Variants in KMT2D observed in about 807,000 individuals in gnomAD.
KMT2D encodes histone-lysine N-methyltransferase 2D.
Under a neutral mutation model 512.7 loss-of-function variants are expected in KMT2D, and 55 were observed. The ratio of observed to expected loss-of-function variants is 0.11; its 90% CI spans 0.09 to 0.13. The LOEUF (loss-of-function observed/expected upper bound fraction) is 0.13. KMT2D is among the 10% of genes least tolerant of loss of function. The pLI, the probability that KMT2D is intolerant of heterozygous loss-of-function variation, is 1.00. For synonymous variants in KMT2D, 2,995 were observed against 2,904.0 expected, an observed-to-expected ratio of 1.03 and a Z score of -1.01; for missense variants, 6,061 against 7,127.9, an observed-to-expected ratio of 0.85 and a Z score of 5.39.
At chr12:49,049,652 A>G in intron 12 of KMT2D, 30 bp downstream of exon 12, 1 of 1,541,686 alleles carries the variant, frequency 6.5e-7, no homozygotes, top group Non-Finnish European at 8.8e-7. Context: ...GCTAACTCTA[A>G]TCACATCCCG....
Position 49,037,827 on chromosome 12 carries a change from C to T in KMT2D, c.9529G>A (p.Gly3177Arg), listed in dbSNP as rs2120486204. 6.3e-7 allele frequency: 1 copy of T among 1,597,210 alleles called. No homozygotes were observed. Among genetic ancestry groups the T allele is most frequent in the Non-Finnish European group, 8.5e-7 (1 of 1,171,766 alleles). Reference sequence around the variant, plus strand: ...AAGGAGGCCTTCTCAGCTGTGTGCCCACTGCTAGAAAATGGCCCTGTGCCC... The same window carrying T: ...AAGGAGGCCTTCTCAGCTGTGTGCCTACTGCTAGAAAATGGCCCTGTGCCC... ...RMGTGPFSSS[G>R]HTAEKASFGA... is the part of the protein sequence containing the mutation. Residue 3177 changes from glycine (G) to arginine (R), a missense_variant, in exon 35 of 55, where the codon GGG becomes AGG. Physicochemically the swap from Gly to Arg is moderately radical, Grantham distance 125 (BLOSUM62 -2). Around this residue, in one of 16 missense-constraint regions of KMT2D, gnomAD observed 533 missense variants for 539.6 expected, o/e 0.99. Transcript: ENST00000301067.
rs2120505325 is a variant in KMT2D, at chr12:49,038,882, G to A, written c.8474C>T (p.Ala2825Val). 6.4e-7 allele frequency: 1 copy of A among 1,551,846 alleles called. No individual in the cohort carries two copies. The highest frequency in any genetic ancestry group is 8.7e-7 in the Non-Finnish European group (1 of 1,147,100). ...CATGGCAAATCGCATGGAGGTTGCT[G>A]CTGTTGCCTGTTGTTGCTGCCACAG... is the stretch of plus-strand genomic sequence containing the variant. Reference protein sequence around the residue: ...QQLWQQQQATAATSMRFAMSA... With the variant: ...QQLWQQQQATVATSMRFAMSA... The change falls in exon 35 of 55, where the codon GCA (alanine) becomes GTA (valine). Residue 2825 changes from alanine to valine, a missense_variant. Ala to Val is a moderately conservative substitution (Grantham distance 64). Around this residue, in one of 16 missense-constraint regions of KMT2D, gnomAD observed 527 missense variants for 578.9 expected, o/e 0.91. Coordinates refer to ENST00000301067, the MANE Select transcript of KMT2D (RefSeq NM_003482.4). The surrounding 1 kb of genome is among the most constrained non-coding windows in gnomAD (Gnocchi z 5.7).
In KMT2D at chr12:49,024,664, C is replaced by T; in HGVS notation, c.15966G>A (p.Gly5322=). Residue 5322 remains glycine, a synonymous_variant, in exon 51 of 55, where the codon GGG becomes GGA. Coordinates refer to ENST00000301067, the MANE Select transcript of KMT2D (RefSeq NM_003482.4). This position sits in a 1 kb window ranked among gnomAD's most constrained non-coding sequence, Gnocchi z 4.5. ...ESCQNYLFRY[G]RHPLMELPLM... is the part of the protein sequence containing the mutation. ...GTGGCAGCTCCATAAGGGGGTGGCG[C>T]CCATAGCGGAATAAATAGTTTTGAC... 6.2e-7 allele frequency: 1 copy of T among 1,613,868 alleles called. No homozygotes were observed. The highest frequency in any genetic ancestry group is 8.5e-7 in the Non-Finnish European group (1 of 1,179,842).
At chr12:49,056,450 G>A (rs911134162) in intron 1 of KMT2D, among the ~76,000 whole-genome samples, 1 of 151,648 alleles carries the variant, frequency 6.6e-6, no homozygotes, top group African/African-American at 2.4e-5. Context: ...ATTAAGCACA[G>A]TGGGAAAAAA....
rs1038604121 is a variant in KMT2D at position 49,037,688 on chromosome 12, G to C, written c.9668C>G (p.Pro3223Arg). 6.3e-7 allele frequency: 1 copy of C among 1,585,634 alleles called. No individual in the cohort carries two copies. Among genetic ancestry groups the C allele is most frequent in the Non-Finnish European group, 8.6e-7 (1 of 1,165,880 alleles). The stretch of plus-strand genomic sequence containing the variant: ...ATCCCCAGATGCTGCAGGTCCACCA[G>C]GCAAGGTCAAAGCCCCACTCTCGAG... The part of the protein sequence containing the change: ...FELESGALTL[P>R]GGPAASGDEL... Residue 3223 changes from proline to arginine, a missense_variant, in exon 35 of 55, where the codon CCT becomes CGT. Coordinates refer to ENST00000301067, the MANE Select transcript of KMT2D (RefSeq NM_003482.4).
Position 49,040,148 on chromosome 12 carries a change from G to A in KMT2D, c.7622C>T (p.Ala2541Val), listed in dbSNP as rs1380114567. Residue 2541 changes from alanine to valine, a missense_variant, in exon 32 of 55, where the codon GCA becomes GTA. Transcript: ENST00000301067. ...GGGCTTTAGGGAAGGCTCCCCTACT[G>A]CCTGAGGGAAAGTGAAACGCATGGG... is the stretch of plus-strand genomic sequence containing the variant. ...PSPMRFTFPQ[A>V]VGEPSLKPPV... The A allele has an allele frequency of 1.9e-6, 3 of 1,613,760 alleles. No individual in the cohort carries two copies. Among genetic ancestry groups the A allele is most frequent in the African/African-American group, 1.3e-5 (1 of 74,936 alleles).
At position 49,035,045 on chromosome 12, in the gene KMT2D, C is replaced by T. The variant is rs534786201; in HGVS notation, c.10232-110G>A. 48 of 1,354,312 alleles carry T rather than the reference C, an allele frequency of 3.5e-5. No homozygotes were observed. In the African/African-American group the frequency reaches 4.3e-4, roughly 12 times the overall value. The allele number at this position is 1,354,312 out of a possible 1,614,324, so 83.9% of individuals were successfully genotyped here. ...AACCACGCCAGGCAGAACAATGGCA[C>T]GGCAAGGCAGAAAGACCACTGAATT... On this transcript the variant is annotated intron_variant, in intron 35 of 54. Coordinates refer to ENST00000301067, the MANE Select transcript of KMT2D (RefSeq NM_003482.4).
At chr12:49,036,266 T>C (rs1487106087) in intron 35 of KMT2D, among the ~76,000 whole-genome samples, 1 of 151,972 alleles carries the variant, frequency 6.6e-6, no homozygotes, top group Non-Finnish European at 1.5e-5. Context: ...TCCCATAGGT[T>C]TTCCCACCAT....
At chr12:49,028,681 ATCTCAC>A in intron 46 of KMT2D, 141 bp downstream of exon 46, 1 of 1,073,828 alleles carries the variant, frequency 9.3e-7, no homozygotes, top group Non-Finnish European at 1.3e-6. Context: ...ATTTACCCGA[ATCTCAC>A]AGCCTCTAGC....
chr12:49,024,257 CT>C lies in KMT2D; in HGVS notation c.16052+320del, dbSNP rs1472323247. ...CTGAGGTTTGGGAGAATCACAGGCC[CT>C]CCCCCAGAAGTAAAACAGGAGAAGA... On this transcript the variant is annotated intron_variant, in intron 51 of 54. Coordinates refer to ENST00000301067, the MANE Select transcript of KMT2D (RefSeq NM_003482.4). This position sits in a 1 kb window ranked among gnomAD's most constrained non-coding sequence, Gnocchi z 4.5. 6.6e-6 allele frequency among the ~76,000 whole-genome samples: 1 copy of C among 152,120 alleles called. No homozygotes were observed. Among genetic ancestry groups the C allele is most frequent in the Admixed American group, 6.5e-5 (1 of 15,276 alleles).
At position 49,031,765 on chromosome 12, in the gene KMT2D, G is replaced by A. The variant is rs777559590; in HGVS notation, c.12940C>T (p.Pro4314Ser). The change falls in exon 40 of 55, where the codon CCT becomes TCT. Residue 4314 changes from proline to serine, a missense_variant. Around this residue, in one of 16 missense-constraint regions of KMT2D, gnomAD observed 1,600 missense variants for 1,754.9 expected, o/e 0.91. Coordinates refer to ENST00000301067, the MANE Select transcript of KMT2D (RefSeq NM_003482.4). ...TGTGAAGGTCTCTTTGGCTCTTGAG[G>A]GCTGGATGGTGGAGGTGTGGGATGG... is the stretch of plus-strand genomic sequence containing the variant. ...PVHPTPPPSS[P>S]QEPKRPSQLP... The A allele has an allele frequency of 3.7e-6, 6 of 1,612,380 alleles. No homozygotes were observed. Among genetic ancestry groups the A allele is most frequent in the Non-Finnish European group, 5.1e-6 (6 of 1,179,066 alleles).
chr12:49,021,989 G>A (rs1942349479), intron 54 of KMT2D, 54 bp downstream of exon 54: 4 of 1,562,572 alleles, frequency 2.6e-6, no homozygotes, highest in South Asian at 1.1e-5. Flanking sequence ...TGGCAGAGAA[G>A]GGGTGAAAGG....
chr12:49,031,679 C>T lies in KMT2D; in HGVS notation c.13026G>A (p.Gly4342=). 6.2e-7 allele frequency: 1 copy of T among 1,610,820 alleles called. No homozygotes were observed. The highest frequency in any genetic ancestry group is 8.5e-7 in the Non-Finnish European group (1 of 1,178,744). ...TEAQLPPTHP[G]TPKPQGPTLE... ...AGGTTGGCCCCTGAGGTTTGGGGGT[C>T]CCTGGATGGGTGGGAGGGAGCTGGG... Residue 4342 remains glycine, a synonymous_variant, in exon 40 of 55, where the codon GGG becomes GGA. Transcript: ENST00000301067.
chr12:49,052,271 G>A lies in KMT2D; in HGVS notation c.1412C>T (p.Pro471Leu), dbSNP rs768271809. ...PPEASRLSPP[P>L]EELPASPLPE... is the part of the protein sequence containing the mutation. ...AAGTGGGGATGCGGGCAATTCCTCAGGTGGTGGTGACAGGCGTGATGCCTC... is the reference window on the plus strand; with the variant it reads ...AAGTGGGGATGCGGGCAATTCCTCAAGTGGTGGTGACAGGCGTGATGCCTC... Residue 471 changes from proline (P) to leucine (L), a missense_variant, in exon 11 of 55, where the codon CCT becomes CTT. Physicochemically the swap from Pro to Leu is moderately conservative, Grantham distance 98 (BLOSUM62 -3). Coordinates refer to ENST00000301067, the MANE Select transcript of KMT2D (RefSeq NM_003482.4). The A allele has an allele frequency of 4.3e-6, 7 of 1,609,598 alleles. No homozygotes were observed. Among genetic ancestry groups the A allele is most frequent in the Non-Finnish European group, 5.9e-6 (7 of 1,177,350 alleles).
rs374732657 is a variant in KMT2D, at chr12:49,037,617, G to A, written c.9739C>T (p.Leu3247=). ...TGCTCCAACAGGTCCTCAATGAGCA[G>A]GGGTAACTCGCTGGCTACCAGTGAG... is the stretch of plus-strand genomic sequence containing the variant. The part of the protein sequence containing the change: ...ESSLVASELP[L]LIEDLLEHEK... The change falls in exon 35 of 55, where the codon CTG becomes TTG. Residue 3247 remains leucine, a synonymous_variant. Coordinates refer to ENST00000301067, the MANE Select transcript of KMT2D (RefSeq NM_003482.4). 82 of 1,562,034 alleles carry A rather than the reference G, an allele frequency of 5.2e-5. No homozygotes were observed. Among genetic ancestry groups the A allele is most frequent in the Non-Finnish European group, 6.9e-5 (80 of 1,153,008 alleles).
chr12:49,035,047 G>A lies in KMT2D; in HGVS notation c.10232-112C>T, dbSNP rs183262051. 280 of 1,342,728 alleles carry A rather than the reference G, an allele frequency of 2.1e-4. No homozygotes were observed. In the African/African-American group the frequency reaches 3.7e-3, roughly 18 times the overall value. The allele number at this position is 1,342,728 out of a possible 1,614,324, so 83.2% of individuals were successfully genotyped here. ...CCACGCCAGGCAGAACAATGGCACG[G>A]CAAGGCAGAAAGACCACTGAATTAG... On this transcript the variant is annotated intron_variant, in intron 35 of 54. Transcript: ENST00000301067.
Position 49,042,592 on chromosome 12 carries a change from C to A in KMT2D, c.5836G>T (p.Gly1946Cys), listed in dbSNP as rs2120557161. The A allele has an allele frequency of 6.2e-7, 1 of 1,613,868 alleles. No homozygotes were observed. Among genetic ancestry groups the A allele is most frequent in the Non-Finnish European group, 8.5e-7 (1 of 1,179,810 alleles). ...PSSSPMDSYP[G>C]LCQSPFLDSR... is the part of the protein sequence containing the mutation. Reference sequence around the variant, plus strand: ...TCCAGGAACGGGGACTGGCAGAGGCCTGGGTAGGAGTCCATTGGGCTGCTG... The same window carrying A: ...TCCAGGAACGGGGACTGGCAGAGGCATGGGTAGGAGTCCATTGGGCTGCTG... The change falls in exon 28 of 55, where the codon GGC becomes TGC. Residue 1946 changes from glycine to cysteine, a missense_variant. By Grantham distance (159) the Gly-to-Cys change is radical. Transcript: ENST00000301067. The surrounding 1 kb of genome is among the most constrained non-coding windows in gnomAD (Gnocchi z 4.4).
At chr12:49,057,042 A>G (rs949150546) in intron 1 of KMT2D, among the ~76,000 whole-genome samples, 20 of 152,146 alleles carry the variant, frequency 1.3e-4, no homozygotes, top group African/African-American at 2.2e-4. Context: ...CCTGCCACAC[A>G]ACCACATTCG....
rs1942157327 is a variant in KMT2D, at chr12:49,019,069, T to C, written c.*2711A>G. ...TGCCCTTTGCCTCTCGCAACATAAA[T>C]ATGTACAGTTCAGAATGATCGCTGA... is the stretch of plus-strand genomic sequence containing the variant. On this transcript the variant is annotated 3_prime_UTR_variant, in exon 55 of 55. Transcript: ENST00000301067. The C allele has an allele frequency of 3.0e-6, 4 of 1,332,294 alleles. No individual in the cohort carries two copies. The highest frequency in any genetic ancestry group is 3.8e-6 in the Non-Finnish European group (4 of 1,039,006). The allele number at this position is 1,332,294 out of a possible 1,614,324, so 82.5% of individuals were successfully genotyped here. A position where few individuals can be genotyped will look rare whatever the true frequency, so the allele number is the denominator to read the frequency against.
Sources: gnomAD v4.1 joint callset for allele counts (sites outside exome capture counted in the v4.1 genomes callset) on GRCh38, gnomAD v4.1.1 for gene constraint, gnomAD v4.1.1 regional missense constraint, Gnocchi (gnomAD v3.1) non-coding constraint, MANE v1.5 for transcripts, NCBI Gene and HGNC (gene_info 2026-07-23, HGNC 2026-07-21) for gene names.